UBAP1: variants seen among roughly 807,000 people sequenced by gnomAD.
The protein encoded by UBAP1 is ubiquitin associated protein 1, also known as ubiquitin-associated protein 1.
A neutral mutation model predicts 39.0 loss-of-function variants in UBAP1; 5 were observed. The ratio of observed to expected loss-of-function variants is 0.13; its 90% confidence interval spans 0.07 to 0.27. The LOEUF is 0.27. Ranked by LOEUF, UBAP1 falls within the 10% of genes least tolerant of loss-of-function variation. UBAP1 has a pLI of 1.00. For missense variants in UBAP1, 490 were observed against 608.1 expected, an observed-to-expected ratio of 0.81 and a Z score of 2.04; for synonymous variants, 211 against 225.1, an observed-to-expected ratio of 0.94 and a Z score of 0.56.
At chr9:34,234,133 T>C in intron 2 of UBAP1, 83 bp from the exon 3 acceptor site, 3 of 1,393,426 alleles carry the variant, frequency 2.2e-6, no homozygotes, top group Non-Finnish European at 1.9e-6. Flanking sequence ...CAAAAATTAA[T>C]GCATATCCGT....
At chr9:34,181,309 G>C (rs1741854435) in intron 1 of UBAP1, among the ~76,000 whole-genome samples, 1 of 148,212 alleles carries the variant, frequency 6.7e-6, no homozygotes, top group African/African-American at 2.5e-5. Context: ...GTAGAGACGG[G>C]GTTTCACCGT....
intron 1 of UBAP1, among the ~76,000 whole-genome samples, chr9:34,196,064 C>T (rs535455796): frequency 2.7e-5 from 4 of 145,902 alleles, no homozygotes; most frequent in South Asian, 2.3e-4. Flanking sequence ...TACACAAACA[C>T]GCTACCATGT....
At chr9:34,250,023 C>A (rs1020880893) in intron 5 of UBAP1, 62 bp downstream of exon 5, 5 of 1,560,332 alleles carry the variant, frequency 3.2e-6, no homozygotes, top group Non-Finnish European at 4.4e-6. Flanking sequence ...AGTGTCCTCC[C>A]CTGTCCTAGA....
intron 1 of UBAP1, among the ~76,000 whole-genome samples, chr9:34,180,409 G>T (rs1829951391): frequency 6.6e-6 from 1 of 151,898 alleles, no homozygotes; most frequent in Non-Finnish European, 1.5e-5. Context: ...TCGGGTGGCC[G>T]AGGCAGGAGA....
At chr9:34,185,268 C>G (rs1184870839) in intron 1 of UBAP1, among the ~76,000 whole-genome samples, 2 of 152,176 alleles carry the variant, frequency 1.3e-5, no homozygotes, top group Non-Finnish European at 2.9e-5. Flanking sequence ...CAGTTCTTGG[C>G]CAGACACAGT....
At position 34,226,131 on chromosome 9, in the gene UBAP1, G is replaced by GTGTGTGTGTGTT. The variant is rs1563911320; in HGVS notation, c.34+5194_34+5195insTTGTGTGTGTGT. Among the ~76,000 whole-genome samples the GTGTGTGTGTGTT allele has an allele frequency of 1.9e-4, 28 of 143,682 alleles. 2 individuals are homozygous for GTGTGTGTGTGTT. Among genetic ancestry groups the GTGTGTGTGTGTT allele is most frequent in the East Asian group, 1.5e-3 (7 of 4,820 alleles). 94.3% of individuals were successfully genotyped at this position (143,682 alleles called of 152,430 possible). On this transcript the variant is annotated intron_variant, in intron 2 of 6. Transcript: ENST00000297661. ...TGTGTGTGTGTGTGTGTGTGTGTGT[G>GTGTGTGTGTGTT]TGTGTGTGTGTGTGTGTGTGTGTGT...
chr9:34,191,043 G>A (rs1384637314), intron 1 of UBAP1, among the ~76,000 whole-genome samples: 1 of 152,056 alleles, frequency 6.6e-6, no homozygotes, highest in African/African-American at 2.4e-5. Flanking sequence ...AAGAAATTAT[G>A]TTTAGGTGCA....
At chr9:34,182,814 CATTCTCCTGCCT>C (rs1830166333) in intron 1 of UBAP1, among the ~76,000 whole-genome samples, 1 of 151,478 alleles carries the variant, frequency 6.6e-6, no homozygotes, top group Admixed American at 6.6e-5. Flanking sequence ...GGGTTCACGC[CATTCTCCTGCCT>C]CAGCCTCCTG....
chr9:34,233,248 G>A (rs1007162937), intron 2 of UBAP1, among the ~76,000 whole-genome samples: 10 of 140,882 alleles, frequency 7.1e-5, no homozygotes, highest in African/African-American at 2.6e-4. Context: ...TTGAGACAGA[G>A]TCTTGCTCTG....
intron 1 of UBAP1, among the ~76,000 whole-genome samples, chr9:34,202,684 T>TCC (rs1831464903): frequency 1.4e-5 from 2 of 143,836 alleles, no homozygotes; most frequent in African/African-American, 5.2e-5. Context: ...TGTGTCCCCG[T>TCC]CCCCGTATAT....
chr9:34,207,048 C>CTTTTTTTTTTTTTTTTTTTTTTTATTTTT, intron 1 of UBAP1, among the ~76,000 whole-genome samples: 1 of 90,056 alleles, frequency 1.1e-5, no homozygotes, highest in Non-Finnish European at 2.0e-5. Flanking sequence ...ATTGTTATTT[C>CTTTTTTTTTTTTTTTTTTTTTTTATTTTT]TTTTTTTTTT....
At chr9:34,231,050 C>T (rs1025119576) in intron 2 of UBAP1, among the ~76,000 whole-genome samples, 7 of 150,850 alleles carry the variant, frequency 4.6e-5, no homozygotes, top group African/African-American at 1.5e-4. Context: ...TTATTTGGGA[C>T]CCAGAGGGCA....
intron 4 of UBAP1, among the ~76,000 whole-genome samples, chr9:34,242,902 A>G (rs1189584901): frequency 1.3e-5 from 2 of 152,188 alleles, no homozygotes; most frequent in Non-Finnish European, 2.9e-5. Flanking sequence ...TATTGGTGGG[A>G]TATCTGTCAG....
At chr9:34,208,915 G>T (rs185509790) in intron 1 of UBAP1, among the ~76,000 whole-genome samples, 1 of 151,796 alleles carries the variant, frequency 6.6e-6, no homozygotes, top group East Asian at 2.0e-4. Context: ...AGATCAAGCT[G>T]GTTATTAACT....
chr9:34,235,716 T>C (rs2131610541), intron 3 of UBAP1, among the ~76,000 whole-genome samples: 1 of 152,222 alleles, frequency 6.6e-6, no homozygotes, highest in African/African-American at 2.4e-5. Context: ...TGTACAGTAA[T>C]GTCCTAGGCC....
intron 6 of UBAP1, 80 bp from the exon 7 acceptor site, chr9:34,251,312 G>A (rs775135066): frequency 3.0e-5 from 45 of 1,475,866 alleles, no homozygotes; most frequent in Middle Eastern, 1.7e-4. Flanking sequence ...CCCAGTCCCC[G>A]TCCCACACAC....
chr9:34,221,628 T>C (rs1458544888), intron 2 of UBAP1, among the ~76,000 whole-genome samples: 1 of 152,064 alleles, frequency 6.6e-6, no homozygotes, highest in East Asian at 1.9e-4. Context: ...ACCCTTTGGT[T>C]AATGCTTTAT....
In UBAP1 at chr9:34,251,684, C is replaced by T; in HGVS notation, c.*152C>T. 2 of 848,578 alleles carry T rather than the reference C, an allele frequency of 2.4e-6. No individual in the cohort carries two copies. The highest frequency in any genetic ancestry group is 3.4e-5 in the African/African-American group (2 of 58,628). 52.6% of individuals were successfully genotyped at this position (848,578 alleles called of 1,614,324 possible). The stretch of plus-strand genomic sequence containing the variant: ...AGACTGCTCGCCAGTCTCTGTGAGC[C>T]TAGGCCCTGAGCTGGGGAGGTGGGG... On this transcript the variant is annotated 3_prime_UTR_variant, in exon 7 of 7. Transcript: ENST00000297661.
chr9:34,214,018 A>G (rs1407176602), intron 1 of UBAP1, among the ~76,000 whole-genome samples: 1 of 152,206 alleles, frequency 6.6e-6, no homozygotes, highest in South Asian at 2.1e-4. Flanking sequence ...AAGAAATCAT[A>G]GATGGCACAA....
Sources: allele counts gnomAD v4.1 joint callset (sites outside exome capture counted in the v4.1 genomes callset), GRCh38; gene constraint gnomAD v4.1.1; transcripts MANE v1.5; gene names NCBI Gene and HGNC (gene_info 2026-07-23, HGNC 2026-07-21).